Variants in TRMT11 observed in about 807,000 individuals in gnomAD.
The protein encoded by TRMT11 is tRNA (guanine(10)-N(2))-methyltransferase TRMT11.
Under a neutral mutation model 62.8 loss-of-function variants are expected in TRMT11, and 53 were observed. The ratio of observed to expected loss-of-function variants is 0.84; its 90% confidence interval spans 0.68 to 1.06. TRMT11 has a LOEUF of 1.06. Among genes scored for constraint, TRMT11 ranks in the 50% least tolerant of loss-of-function variants. The probability of loss-of-function intolerance (pLI) is 0.00; values close to 1 mark genes in which losing one functional copy is unlikely to be tolerated. For synonymous variants in TRMT11, 188 were observed against 190.3 expected, an observed-to-expected ratio of 0.99 and a Z score of 0.10; for missense variants, 556 against 553.4, an observed-to-expected ratio of 1.00 and a Z score of -0.05.
In TRMT11 at chr6:126,192,320, G is replaced by A. The variant is rs553227612; in HGVS notation, n.144-6479G>A. 1.6e-4 allele frequency among the ~76,000 whole-genome samples: 24 copies of A among 151,982 alleles called. 1 individual carries two copies. The highest frequency in any genetic ancestry group is 2.2e-4 in the Non-Finnish European group (15 of 67,942). On this transcript the variant is annotated intron_variant and non_coding_transcript_variant, in intron 1 of 3. Coordinates refer to the TRMT11 transcript ENST00000444229. The stretch of plus-strand genomic sequence containing the variant: ...CTTGCAATTTTACTAAAATGGGTTA[G>A]CAATTCTAAGAGTTTTTTGGTGAAG...
the TRMT11 span, among the ~76,000 whole-genome samples, chr6:126,242,871 T>C: frequency 6.6e-6 from 1 of 152,150 alleles, no homozygotes; most frequent in Non-Finnish European, 1.5e-5. Flanking sequence ...GACATAGGCA[T>C]GGGCAAGGAC....
intron 6 of TRMT11, 66 bp downstream of exon 6, chr6:125,998,750 T>C: frequency 6.7e-7 from 1 of 1,502,954 alleles, no homozygotes. Context: ...AGGCCTTTTG[T>C]TGACTCCTAT....
the TRMT11 span, among the ~76,000 whole-genome samples, chr6:126,248,183 C>A: frequency 1.3e-5 from 2 of 152,032 alleles, no homozygotes; most frequent in South Asian, 4.1e-4. Flanking sequence ...CATTGATCAT[C>A]CTCTGAAAGA....
intron 21 of TRMT11, among the ~76,000 whole-genome samples, chr6:126,122,725 T>C (rs1777664680): frequency 6.6e-6 from 1 of 152,148 alleles, no homozygotes; most frequent in African/African-American, 2.4e-5. Context: ...AATCTAAGCA[T>C]AAAAATGGAC....
At chr6:126,266,836 A>G in the TRMT11 span, among the ~76,000 whole-genome samples, 2 of 152,136 alleles carry the variant, frequency 1.3e-5, no homozygotes, top group Non-Finnish European at 2.9e-5. Context: ...GTCATGCTTA[A>G]TCACAGTTTT....
At chr6:126,203,120 A>G (rs1464171319), downstream of TRMT11, among the ~76,000 whole-genome samples, 1 of 152,196 alleles carries the variant, frequency 6.6e-6, no homozygotes, top group Non-Finnish European at 1.5e-5. Flanking sequence ...TGAGACTAGC[A>G]CCACTTTCTG....
downstream of TRMT11, among the ~76,000 whole-genome samples, chr6:126,208,005 A>G (rs888036666): frequency 6.6e-6 from 1 of 152,194 alleles, no homozygotes; most frequent in South Asian, 2.1e-4. Context: ...TAATAGAAAC[A>G]AAGGATTGTT....
chr6:126,201,222 T>G (rs1045000210), intron 3 of TRMT11, among the ~76,000 whole-genome samples: 35 of 152,230 alleles, frequency 2.3e-4, no homozygotes, highest in Non-Finnish European at 4.0e-4. Flanking sequence ...GTTTTGAATA[T>G]TGGCCATTGA....
At chr6:126,021,444 G>T (rs1313961844) in intron 12 of TRMT11, among the ~76,000 whole-genome samples, 164 bp downstream of exon 12, 1 of 152,250 alleles carries the variant, frequency 6.6e-6, no homozygotes, top group South Asian at 2.1e-4. Flanking sequence ...GTGGCATCCA[G>T]TTGGGATTGA....
chr6:126,188,586 G>C (rs1196425134), intron 1 of TRMT11, among the ~76,000 whole-genome samples: 2 of 152,114 alleles, frequency 1.3e-5, no homozygotes, highest in Non-Finnish European at 2.9e-5. Flanking sequence ...TTTGATTTAT[G>C]TGATAAAATT....
intron 21 of TRMT11, among the ~76,000 whole-genome samples, chr6:126,145,452 G>A (rs1470857046): frequency 6.6e-6 from 1 of 152,194 alleles, no homozygotes; most frequent in Non-Finnish European, 1.5e-5. Flanking sequence ...GAAAAGGAGA[G>A]GGGGCTATGG....
chr6:126,126,441 A>C (rs1369575084), intron 21 of TRMT11, among the ~76,000 whole-genome samples: 2 of 152,144 alleles, frequency 1.3e-5, no homozygotes, highest in Non-Finnish European at 2.9e-5. Flanking sequence ...TGTGAAATCC[A>C]TAATTTATTT....
chr6:126,096,869 C>T (rs1359120461), intron 17 of TRMT11, among the ~76,000 whole-genome samples: 3 of 152,104 alleles, frequency 2.0e-5, no homozygotes, highest in East Asian at 3.9e-4. Flanking sequence ...CTTTCTTGGA[C>T]AATTTCCTTA....
chr6:126,253,156 G>T, the TRMT11 span, among the ~76,000 whole-genome samples: 1 of 151,950 alleles, frequency 6.6e-6, no homozygotes, highest in Non-Finnish European at 1.5e-5. Flanking sequence ...ATTATTTGGG[G>T]CCAGGAGCAG....
At chr6:126,271,913 A>G in the TRMT11 span, among the ~76,000 whole-genome samples, 1 of 152,338 alleles carries the variant, frequency 6.6e-6, no homozygotes, top group Admixed American at 6.5e-5. Flanking sequence ...AAGTGTCAAT[A>G]GATAGCAGAC....
chr6:126,207,939 A>G (rs1485318094), downstream of TRMT11, among the ~76,000 whole-genome samples: 7 of 152,248 alleles, frequency 4.6e-5, 1 homozygote, highest in East Asian at 1.3e-3. Context: ...AAAGTAAATG[A>G]GGTCAGCCCA....
At chr6:126,217,537 T>A in the TRMT11 span, among the ~76,000 whole-genome samples, 1 of 152,134 alleles carries the variant, frequency 6.6e-6, no homozygotes, top group Non-Finnish European at 1.5e-5. Flanking sequence ...CCAAAAGAAT[T>A]CTCTGGATTA....
chr6:126,038,901 C>A lies in TRMT11; in HGVS notation c.*65C>A. On this transcript the variant is annotated 3_prime_UTR_variant, in exon 13 of 13. Coordinates refer to ENST00000334379, the MANE Select transcript of TRMT11 (RefSeq NM_001031712.3). Reference sequence around the variant, plus strand: ...ATTTAAAAAGACATCTGGATGTGAACTTTCATGTATGATCCAGAAAATAGG... The same window carrying A: ...ATTTAAAAAGACATCTGGATGTGAAATTTCATGTATGATCCAGAAAATAGG... 2 of 1,366,460 alleles carry A rather than the reference C, an allele frequency of 1.5e-6. No individual in the cohort carries two copies. The highest frequency in any genetic ancestry group is 1.4e-5 in the South Asian group (1 of 71,564). The allele number at this position is 1,366,460 out of a possible 1,614,324, so 84.6% of individuals were successfully genotyped here. A position where few individuals can be genotyped will look rare whatever the true frequency, so the allele number is the denominator to read the frequency against.
chr6:126,219,065 G>A, the TRMT11 span, among the ~76,000 whole-genome samples: 23 of 152,156 alleles, frequency 1.5e-4, no homozygotes, highest in African/African-American at 5.6e-4. Context: ...CCATGTGGCC[G>A]CTGCCAGGGG....
Sources: gnomAD v4.1 joint callset for allele counts (sites outside exome capture counted in the v4.1 genomes callset) on GRCh38, gnomAD v4.1.1 for gene constraint, MANE v1.5 for transcripts, NCBI Gene and HGNC (gene_info 2026-07-23, HGNC 2026-07-21) for gene names.